Variants in MAGI2 observed in about 807,000 individuals in gnomAD.
The protein encoded by MAGI2 is membrane-associated guanylate kinase, WW and PDZ domain-containing protein 2.
In MAGI2, 35 loss-of-function variants were observed where a neutral mutation model predicts 133.3. The ratio of observed to expected loss-of-function variants is 0.26; its 90% CI spans 0.20 to 0.35. MAGI2 has a LOEUF of 0.35. Ranked by LOEUF, MAGI2 falls within the 10% of genes least tolerant of loss-of-function variation. The pLI is 1.00. For synonymous variants in MAGI2, 729 were observed against 710.6 expected, an observed-to-expected ratio of 1.03 and a Z score of -0.41; for missense variants, 1,636 against 1,863.4, an observed-to-expected ratio of 0.88 and a Z score of 2.25.
At chr7:78,169,458 C>T (rs1283183148) in intron 14 of MAGI2, among the ~76,000 whole-genome samples, 1 of 13,864 alleles carries the variant, frequency 7.2e-5, no homozygotes, top group Non-Finnish European at 1.4e-4. Flanking sequence ...CAGAGTTGCT[C>T]CATCATGACC....
chr7:78,626,749 G>A (rs1216145223), intron 3 of MAGI2, among the ~76,000 whole-genome samples: 1 of 151,748 alleles, frequency 6.6e-6, no homozygotes. Context: ...CCTTCTTTTA[G>A]ATGACATCTT....
intron 2 of MAGI2, among the ~76,000 whole-genome samples, chr7:78,713,011 A>G (rs551309015): frequency 6.6e-6 from 1 of 152,316 alleles, no homozygotes; most frequent in South Asian, 2.1e-4. Flanking sequence ...CGAAAATGAA[A>G]ACATTAGACC....
At chr7:79,372,419 G>T (rs1843105162) in intron 1 of MAGI2, among the ~76,000 whole-genome samples, 1 of 152,128 alleles carries the variant, frequency 6.6e-6, no homozygotes, top group Non-Finnish European at 1.5e-5. Context: ...GTAAATTACA[G>T]TTATTGAATA....
intron 6 of MAGI2, among the ~76,000 whole-genome samples, chr7:78,406,862 T>C (rs1317688890): frequency 6.6e-6 from 1 of 152,086 alleles, no homozygotes; most frequent in Non-Finnish European, 1.5e-5. Flanking sequence ...TAATACTACA[T>C]AGCTTCCTAA....
intron 10 of MAGI2, among the ~76,000 whole-genome samples, chr7:78,248,615 G>A (rs1051687591): frequency 2.6e-5 from 4 of 152,008 alleles, no homozygotes; most frequent in African/African-American, 9.7e-5. Context: ...GAGTAGGAGT[G>A]GCTATACTTA....
At chr7:78,906,802 A>G (rs980640482) in intron 2 of MAGI2, among the ~76,000 whole-genome samples, 1 of 152,182 alleles carries the variant, frequency 6.6e-6, no homozygotes, top group African/African-American at 2.4e-5. Context: ...ACACACACAC[A>G]TACACACATA....
At chr7:79,249,268 G>T (rs2129555553) in intron 1 of MAGI2, among the ~76,000 whole-genome samples, 2 of 152,210 alleles carry the variant, frequency 1.3e-5, no homozygotes, top group South Asian at 4.1e-4. Context: ...AAAAATATTA[G>T]TAGGAGAAAA....
chr7:78,167,406 T>C (rs1825719943), intron 15 of MAGI2, among the ~76,000 whole-genome samples: 1 of 152,194 alleles, frequency 6.6e-6, no homozygotes, highest in South Asian at 2.1e-4. Flanking sequence ...TTACATAAAT[T>C]TGGAACTATA....
intron 2 of MAGI2, among the ~76,000 whole-genome samples, chr7:78,669,361 AC>A (rs1814046429): frequency 6.6e-6 from 1 of 152,094 alleles, no homozygotes; most frequent in South Asian, 2.1e-4. Context: ...CTCTCCCAAG[AC>A]TAAACCAGGA....
intron 2 of MAGI2, among the ~76,000 whole-genome samples, chr7:78,785,443 G>T (rs1311321690): frequency 6.6e-6 from 1 of 152,132 alleles, no homozygotes; most frequent in African/African-American, 2.4e-5. Flanking sequence ...TTGAAAAGCT[G>T]TTAAAAGCTT....
Position 78,960,684 on chromosome 7 carries a change from T to C in MAGI2, c.418+46406A>G, listed in dbSNP as rs537787110. Among the ~76,000 whole-genome samples the C allele has an allele frequency of 2.6e-5, 4 of 152,274 alleles. No homozygotes were observed. In the East Asian group the frequency reaches 7.7e-4, roughly 29 times the overall value. On this transcript the variant is annotated intron_variant, in intron 2 of 21. Transcript: ENST00000354212. Reference sequence around the variant, plus strand: ...AAATTCCTTCAGGGTAAGTATATTATCAGTCTTTTACACTGATAATAAGAG... The same window carrying C: ...AAATTCCTTCAGGGTAAGTATATTACCAGTCTTTTACACTGATAATAAGAG...
At chr7:79,174,975 T>C (rs535910857) in intron 1 of MAGI2, among the ~76,000 whole-genome samples, 3 of 151,896 alleles carry the variant, frequency 2.0e-5, no homozygotes, top group African/African-American at 7.3e-5. Context: ...GTTAGTGCTC[T>C]TGGGCCAAGT....
intron 3 of MAGI2, among the ~76,000 whole-genome samples, chr7:78,578,475 T>A (rs1461713319): frequency 6.6e-6 from 1 of 151,506 alleles, no homozygotes; most frequent in African/African-American, 2.4e-5. Context: ...GGAAAAAACA[T>A]AGAAGTAAAA....
intron 9 of MAGI2, among the ~76,000 whole-genome samples, chr7:78,267,868 C>G (rs772366130): frequency 2.6e-5 from 4 of 152,128 alleles, no homozygotes; most frequent in Non-Finnish European, 4.4e-5. Context: ...TTCTCAGACA[C>G]AACAGACAAA....
chr7:78,626,362 T>C (rs1250049033), intron 3 of MAGI2, among the ~76,000 whole-genome samples: 1 of 152,178 alleles, frequency 6.6e-6, no homozygotes, highest in African/African-American at 2.4e-5. Flanking sequence ...CAACATACTG[T>C]TACTTATTTG....
At chr7:79,388,060 C>T (rs1014317591) in intron 1 of MAGI2, among the ~76,000 whole-genome samples, 2 of 151,644 alleles carry the variant, frequency 1.3e-5, no homozygotes, top group African/African-American at 4.8e-5. Context: ...CATAGAAAAC[C>T]TGCAATTTGA....
intron 1 of MAGI2, among the ~76,000 whole-genome samples, chr7:79,428,695 A>G (rs1847567053): frequency 6.6e-6 from 1 of 152,176 alleles, no homozygotes; most frequent in South Asian, 2.1e-4. Context: ...GTCTTCAGCA[A>G]ATGGATGCTA....
intron 21 of MAGI2, among the ~76,000 whole-genome samples, chr7:78,043,093 A>G (rs2151089109): frequency 6.6e-6 from 1 of 152,312 alleles, no homozygotes; most frequent in South Asian, 2.1e-4. Flanking sequence ...AGTTTTCCTA[A>G]ATGTTAAATG....
At chr7:78,502,109 T>C (rs1162697935) in intron 4 of MAGI2, among the ~76,000 whole-genome samples, 2 of 152,156 alleles carry the variant, frequency 1.3e-5, no homozygotes, top group African/African-American at 2.4e-5. Context: ...GTCTAGAATA[T>C]GTGAATATTA....
Sources: gnomAD v4.1 joint callset for allele counts (sites outside exome capture counted in the v4.1 genomes callset) on GRCh38, gnomAD v4.1.1 for gene constraint, MANE v1.5 for transcripts, NCBI Gene and HGNC (gene_info 2026-07-23, HGNC 2026-07-21) for gene names.